The following RPL18 variants were observed in gnomAD, a reference collection of about 807,000 sequenced individuals.
The protein encoded by RPL18 is large ribosomal subunit protein eL18.
Under a neutral mutation model 25.0 loss-of-function variants are expected in RPL18, and 4 were observed. The ratio of observed to expected loss-of-function variants is 0.16; its 90% CI spans 0.08 to 0.37. The LOEUF is 0.37. RPL18 is among the 10% of genes least tolerant of loss of function. RPL18 has a pLI of 1.00. For synonymous variants in RPL18, 129 were observed against 101.6 expected, an observed-to-expected ratio of 1.27 and a Z score of -1.62; for missense variants, 179 against 267.9, an observed-to-expected ratio of 0.67 and a Z score of 2.32.
At position 48,616,273 on chromosome 19, in the gene RPL18, C is replaced by G. The variant is rs1372121436; in HGVS notation, c.298-71G>C. 3 of 1,588,102 alleles carry G rather than the reference C, an allele frequency of 1.9e-6. No individual in the cohort carries two copies. The African/African-American group carries it at 4.0e-5, about 21-fold the overall frequency. On this transcript the variant is annotated intron_variant, in intron 4 of 6. Coordinates refer to ENST00000549920, the MANE Select transcript of RPL18 (RefSeq NM_000979.4). ...CCCAGGGGCTGCCAGGACTCACCCTCCACTGCCTTGGCGCAGCAGAGCCCT... is the reference window on the plus strand; with the variant it reads ...CCCAGGGGCTGCCAGGACTCACCCTGCACTGCCTTGGCGCAGCAGAGCCCT...
rs1018713668 is a variant in RPL18 at position 48,617,341 on chromosome 19, C to T, written c.173G>A (p.Arg58Gln). Residue 58 changes from arginine to glutamine, a missense_variant, in exon 3 of 7, where the codon CGG (arginine) becomes CAG (glutamine). Coordinates refer to ENST00000549920, the MANE Select transcript of RPL18 (RefSeq NM_000979.4). ...CATCCGGGAAAGGGACAGAGGCGGC[C>T]GGTTGGTGCGACTCATAAACAACCT... ...LKRLFMSRTNRPPLSLSRMIR... is the reference protein window; with the variant it reads ...LKRLFMSRTNQPPLSLSRMIR... 5 of 1,614,000 alleles carry T rather than the reference C, an allele frequency of 3.1e-6. No individual in the cohort carries two copies. The highest frequency in any genetic ancestry group is 1.3e-5 in the African/African-American group (1 of 74,914).
chr19:48,615,640 C>A, intron 6 of RPL18, 193 bp from the exon 7 acceptor site: 1 of 651,022 alleles, frequency 1.5e-6, no homozygotes, highest in Non-Finnish European at 2.7e-6. Flanking sequence ...AGGGTCCCAG[C>A]CTGGGCTGGC....
chr19:48,616,898 C>A, intron 3 of RPL18, 74 bp from the exon 4 acceptor site: 1 of 1,148,754 alleles, frequency 8.7e-7, no homozygotes, highest in Non-Finnish European at 1.3e-6. Flanking sequence ...CATCCCCAGG[C>A]CAGGGCAGCT....
intron 4 of RPL18, 111 bp from the exon 5 acceptor site, chr19:48,616,313 T>C (rs1297181890): frequency 5.7e-6 from 8 of 1,393,746 alleles, no homozygotes. Flanking sequence ...ACCAACACTA[T>C]CGTTTACTAC....
At chr19:48,619,034 C>A in intron 1 of RPL18, 107 bp downstream of exon 1, 1 of 1,247,340 alleles carries the variant, frequency 8.0e-7, no homozygotes, top group Non-Finnish European at 1.1e-6. Flanking sequence ...GAATTGCTCC[C>A]TCCGGGCAGC....
At chr19:48,618,976 T>A in intron 1 of RPL18, 165 bp downstream of exon 1, 1 of 693,388 alleles carries the variant, frequency 1.4e-6, no homozygotes, top group Non-Finnish European at 2.5e-6. Context: ...AGGCTATGAC[T>A]GACCCATCCC....
chr19:48,618,406 C>T (rs1974251652), intron 1 of RPL18: 1 of 154,382 alleles, frequency 6.5e-6, no homozygotes, highest in South Asian at 1.9e-4. Context: ...GCAAGGAATC[C>T]TCCCGCCTCG....
Position 48,615,954 on chromosome 19 carries a change from A to C in RPL18, c.422-8T>G. The C allele has an allele frequency of 6.2e-7, 1 of 1,614,004 alleles. No homozygotes were observed. The highest frequency in any genetic ancestry group is 1.1e-5 in the South Asian group (1 of 91,062). On this transcript the variant is annotated splice_region_variant and splice_polypyrimidine_tract_variant and intron_variant, in intron 5 of 6. Coordinates refer to ENST00000549920, the MANE Select transcript of RPL18 (RefSeq NM_000979.4). ...CTCGGCCCTTGCGAGGACCTAGGGA[A>C]GGGGAAGGAGAACCGGGTGAGACAG...
rs766600351 is a variant in RPL18 at position 48,617,800 on chromosome 19, C to T, written c.81G>A (p.Leu27=). The T allele has an allele frequency of 6.2e-7, 1 of 1,613,902 alleles. No individual in the cohort carries two copies. The highest frequency in any genetic ancestry group is 2.2e-5 in the East Asian group (1 of 44,892). ...EPKSQDIYLR[L]LVKLYRFLAR... ...CAGGGCCCAGCCTCACCTTGACCAACAGCCTCAGGTAGATATCCTGGCTCT... is the reference window on the plus strand; with the variant it reads ...CAGGGCCCAGCCTCACCTTGACCAATAGCCTCAGGTAGATATCCTGGCTCT... Residue 27 remains leucine, a synonymous_variant, in exon 2 of 7, where the codon CTG becomes CTA. Coordinates refer to ENST00000549920, the MANE Select transcript of RPL18 (RefSeq NM_000979.4).
intron 4 of RPL18, 92 bp from the exon 5 acceptor site, chr19:48,616,294 G>A (rs1018653224): frequency 1.4e-5 from 21 of 1,528,788 alleles, no homozygotes; most frequent in Non-Finnish European, 1.8e-5. Context: ...GCGCAGCAGA[G>A]CCCTGGTAAC....
chr19:48,618,099 G>GTT (rs757180921), intron 1 of RPL18: 4 of 457,824 alleles, frequency 8.7e-6, no homozygotes, highest in Non-Finnish European at 1.6e-5. Context: ...CTGAAACATC[G>GTT]TAACACAGCA....
At chr19:48,617,035 G>T (rs752413503) in intron 3 of RPL18, 1 of 702,084 alleles carries the variant, frequency 1.4e-6, no homozygotes. Flanking sequence ...GCCTCCCTCA[G>T]CAGAGCCTTT....
rs1974238163 is a variant in RPL18, at chr19:48,618,070, G to A, written c.4-193C>T. ...AAAGGGGCTGTTTACAAAGCCTTCAGCCCATGGCACACAGAACCCTGAAAC... is the reference window on the plus strand; with the variant it reads ...AAAGGGGCTGTTTACAAAGCCTTCAACCCATGGCACACAGAACCCTGAAAC... On this transcript the variant is annotated intron_variant, in intron 1 of 6. Coordinates refer to ENST00000549920, the MANE Select transcript of RPL18 (RefSeq NM_000979.4). 1.1e-5 allele frequency: 6 copies of A among 533,442 alleles called. No homozygotes were observed. In the South Asian group the frequency reaches 1.4e-4, roughly 12 times the overall value. 33.0% of individuals were successfully genotyped at this position (533,442 alleles called of 1,614,324 possible).
chr19:48,616,849 G>C (rs200975795), intron 3 of RPL18, 25 bp from the exon 4 acceptor site: 12 of 1,567,044 alleles, frequency 7.7e-6, no homozygotes, highest in African/African-American at 4.1e-5. Context: ...GATGTACGTC[G>C]TAAGTTGTTC....
chr19:48,618,433 G>A (rs1208169014), intron 1 of RPL18: 1 of 155,046 alleles, frequency 6.4e-6, no homozygotes. Flanking sequence ...CAAAGTGCTA[G>A]GATAACAAGC....
chr19:48,616,315 G>A (rs1011613430), intron 4 of RPL18, 113 bp from the exon 5 acceptor site: 14 of 1,370,456 alleles, frequency 1.0e-5, no homozygotes, highest in African/African-American at 1.0e-4. Context: ...CAACACTATC[G>A]TTTACTACCC....
At position 48,617,219 on chromosome 19, in the gene RPL18, C is replaced by T. The variant is rs775190464; in HGVS notation, c.198+97G>A. 5.1e-5 allele frequency: 48 copies of T among 946,108 alleles called. No homozygotes were observed. The Middle Eastern group carries it at 1.0e-3, about 21-fold the overall frequency. 58.6% of individuals were successfully genotyped at this position (946,108 alleles called of 1,614,324 possible). A position where few individuals can be genotyped will look rare whatever the true frequency, so the allele number is the denominator to read the frequency against. On this transcript the variant is annotated intron_variant, in intron 3 of 6. Transcript: ENST00000549920. ...ACTGGCTGAGACAAACCCTTGATGC[C>T]CTGGTTGCTCCCAGAGCTCCAAGTC... is the stretch of plus-strand genomic sequence containing the variant.
chr19:48,618,054 G>C, intron 1 of RPL18, 177 bp from the exon 2 acceptor site: 1 of 565,862 alleles, frequency 1.8e-6, no homozygotes, highest in East Asian at 3.0e-5. Flanking sequence ...AAAAGGGGCT[G>C]TTTACAAAGC....
intron 6 of RPL18, 186 bp downstream of exon 6, chr19:48,615,691 C>G (rs1974145220): frequency 1.5e-6 from 1 of 663,620 alleles, no homozygotes; most frequent in Non-Finnish European, 2.6e-6. Flanking sequence ...GATGCCTGCT[C>G]AGGCCCTGGA....
Sources: allele counts gnomAD v4.1 joint callset, GRCh38; gene constraint gnomAD v4.1.1; transcripts MANE v1.5; gene names NCBI Gene and HGNC (gene_info 2026-07-23, HGNC 2026-07-21).